Variants in CNTN6 observed in about 807,000 individuals in gnomAD.
CNTN6 encodes contactin-6.
CNTN6 carries 137 observed loss-of-function variants against 122.8 expected under a neutral mutation model. The observed-to-expected ratio is 1.12, with a 90% CI of 0.97 to 1.29. CNTN6 has a LOEUF of 1.29. CNTN6 is among the 50% of genes most tolerant of loss of function. The probability of loss-of-function intolerance (pLI) is 0.00; values close to 1 mark genes in which losing one functional copy is unlikely to be tolerated. For synonymous variants in CNTN6, 570 were observed against 426.0 expected (o/e 1.34, Z -4.16); for missense variants, 1,634 against 1,223.4 (o/e 1.34, Z -5.01).
intron 7 of CNTN6, among the ~76,000 whole-genome samples, chr3:1,313,089 G>A (rs994423146): frequency 6.6e-6 from 1 of 151,860 alleles, no homozygotes; most frequent in African/African-American, 2.4e-5. Context: ...AAGATCAAAC[G>A]GAATAAATTT....
intron 2 of CNTN6, among the ~76,000 whole-genome samples, chr3:1,181,660 C>T (rs1347694865): frequency 6.6e-6 from 1 of 152,062 alleles, no homozygotes; most frequent in Non-Finnish European, 1.5e-5. Context: ...GGAAAGGTGA[C>T]CTCTTTCTAC....
intron 4 of CNTN6, among the ~76,000 whole-genome samples, chr3:1,246,691 A>G (rs1251334809): frequency 1.3e-5 from 2 of 152,168 alleles, no homozygotes; most frequent in Non-Finnish European, 2.9e-5. Context: ...TGATATGATC[A>G]GTCTTTTTAA....
At chr3:1,304,720 G>A (rs1011487471) in intron 7 of CNTN6, among the ~76,000 whole-genome samples, 11 of 152,088 alleles carry the variant, frequency 7.2e-5, no homozygotes, top group South Asian at 4.1e-4. Flanking sequence ...TTGGCCGGGC[G>A]CAGTGGCTCA....
chr3:1,095,265 G>T (rs904792223), intron 1 of CNTN6, among the ~76,000 whole-genome samples: 1 of 152,048 alleles, frequency 6.6e-6, no homozygotes, highest in African/African-American at 2.4e-5. Flanking sequence ...GAGGTCAAGA[G>T]ATTGAGACCA....
chr3:1,257,764 C>T (rs1441303842), intron 4 of CNTN6, among the ~76,000 whole-genome samples: 2 of 152,138 alleles, frequency 1.3e-5, no homozygotes, highest in Non-Finnish European at 2.9e-5. Flanking sequence ...CTACAAAGCT[C>T]AAAGCTACAC....
chr3:1,196,374 G>A (rs1029571153), intron 2 of CNTN6, among the ~76,000 whole-genome samples: 1 of 152,170 alleles, frequency 6.6e-6, no homozygotes, highest in Non-Finnish European at 1.5e-5. Context: ...TCTGACCTCA[G>A]CAAATGGCTT....
At chr3:1,245,321 TATA>T (rs2094567126) in intron 4 of CNTN6, among the ~76,000 whole-genome samples, 1 of 43,928 alleles carries the variant, frequency 2.3e-5, no homozygotes, top group Non-Finnish European at 4.3e-5. Flanking sequence ...TATATATATA[TATA>T]TATATATATA....
chr3:1,247,448 T>C (rs1433419399), intron 4 of CNTN6, among the ~76,000 whole-genome samples: 6 of 138,942 alleles, frequency 4.3e-5, no homozygotes, highest in Non-Finnish European at 7.9e-5. Context: ...ATAGACTATA[T>C]GGTTTAAAAA....
Position 1,232,366 on chromosome 3 carries a change from C to T in CNTN6, c.358+4373C>T, listed in dbSNP as rs184207363. 5.3e-5 allele frequency among the ~76,000 whole-genome samples: 8 copies of T among 152,284 alleles called. No individual in the cohort carries two copies. In the East Asian group the frequency reaches 1.5e-3, roughly 29 times the overall value. The stretch of plus-strand genomic sequence containing the variant: ...ACACCTAATTTATACCCATCAAGTA[C>T]TACACTAGGTCCTAAAGATTAAATG... On this transcript the variant is annotated intron_variant, in intron 4 of 22. Coordinates refer to ENST00000446702, the MANE Select transcript of CNTN6 (RefSeq NM_001289080.2).
At chr3:1,339,859 T>C (rs2126032811) in intron 11 of CNTN6, among the ~76,000 whole-genome samples, 1 of 152,292 alleles carries the variant, frequency 6.6e-6, no homozygotes, top group South Asian at 2.1e-4. Context: ...CCTAATAACA[T>C]ATATTTTAAT....
chr3:1,197,076 A>G (rs887574091), intron 2 of CNTN6, among the ~76,000 whole-genome samples: 1 of 152,210 alleles, frequency 6.6e-6, no homozygotes, highest in African/African-American at 2.4e-5. Flanking sequence ...TCTCTGAGAC[A>G]AGAGATAATT....
chr3:1,240,721 A>G (rs995268701), intron 4 of CNTN6, among the ~76,000 whole-genome samples: 4 of 150,968 alleles, frequency 2.6e-5, no homozygotes, highest in African/African-American at 9.8e-5. Context: ...AAAAAAAAAG[A>G]AAAAAAAGAA....
intron 5 of CNTN6, among the ~76,000 whole-genome samples, chr3:1,292,970 T>G (rs1695578801): frequency 6.6e-6 from 1 of 152,148 alleles, no homozygotes; most frequent in South Asian, 2.1e-4. Context: ...TGCTTAGGTT[T>G]TTTTTCCCAC....
At chr3:1,390,194 G>C (rs371314989) in intron 20 of CNTN6, among the ~76,000 whole-genome samples, 6 of 151,784 alleles carry the variant, frequency 4.0e-5, no homozygotes, top group African/African-American at 1.5e-4. Flanking sequence ...AAAGGACAGA[G>C]ATTATAACAA....
intron 2 of CNTN6, among the ~76,000 whole-genome samples, chr3:1,189,159 G>A (rs900866954): frequency 2.0e-5 from 3 of 152,082 alleles, no homozygotes; most frequent in Non-Finnish European, 4.4e-5. Context: ...AATTATATCC[G>A]CCTTACAATT....
At chr3:1,274,653 G>A (rs570871968) in intron 4 of CNTN6, among the ~76,000 whole-genome samples, 6 of 152,272 alleles carry the variant, frequency 3.9e-5, no homozygotes, top group Admixed American at 2.6e-4. Context: ...GAGATAAACT[G>A]CGGATGTTTC....
intron 2 of CNTN6, among the ~76,000 whole-genome samples, chr3:1,195,862 C>T (rs79013500): frequency 1.7e-3 from 265 of 152,172 alleles, no homozygotes; most frequent in African/African-American, 6.1e-3. Flanking sequence ...GTGTTCCATA[C>T]GAGACCTGTA....
chr3:1,388,629 C>T (rs1368765626), intron 20 of CNTN6, among the ~76,000 whole-genome samples: 1 of 147,188 alleles, frequency 6.8e-6, no homozygotes, highest in Non-Finnish European at 1.5e-5. Flanking sequence ...TACGGGAGGA[C>T]ATTCAAACCA....
At chr3:1,108,985 G>T (rs1319730284) in intron 1 of CNTN6, among the ~76,000 whole-genome samples, 1 of 151,964 alleles carries the variant, frequency 6.6e-6, no homozygotes, top group Non-Finnish European at 1.5e-5. Context: ...TAAGTCAAAA[G>T]TCCTGATTGT....
Sources: gnomAD v4.1 joint callset for allele counts (sites outside exome capture counted in the v4.1 genomes callset) on GRCh38, gnomAD v4.1.1 for gene constraint, MANE v1.5 for transcripts, NCBI Gene and HGNC (gene_info 2026-07-23, HGNC 2026-07-21) for gene names.